The following LAMB3 variants were observed in gnomAD, a reference collection of about 807,000 sequenced individuals.
LAMB3 encodes the protein laminin subunit beta 3.
In LAMB3, 104 loss-of-function variants were observed where a neutral mutation model predicts 140.3. That is an observed-to-expected ratio of 0.74 (90% CI 0.63 to 0.87). The LOEUF (loss-of-function observed/expected upper bound fraction) is 0.87. Ranked by LOEUF, LAMB3 falls within the 40% of genes least tolerant of loss-of-function variation. LAMB3 has a pLI of 0.00. For missense variants in LAMB3, 1,531 were observed against 1,575.2 expected (o/e 0.97, Z 0.47); for synonymous variants, 592 against 602.9 (o/e 0.98, Z 0.26).
At chr1:209,624,994 T>A (rs185934398) in intron 14 of LAMB3, among the ~76,000 whole-genome samples, 25 of 150,392 alleles carry the variant, frequency 1.7e-4, no homozygotes, top group Middle Eastern at 6.9e-3. Flanking sequence ...GGAAGGAAGG[T>A]AGGTTGGTTT....
intron 1 of LAMB3, 52 bp from the exon 2 acceptor site, chr1:209,651,033 A>G (rs2076562271): frequency 8.6e-7 from 1 of 1,169,498 alleles, no homozygotes; most frequent in African/African-American, 1.5e-5. Context: ...CCTAGAGCAC[A>G]CTAGCCCTTT....
rs781471338 is a variant in LAMB3, at chr1:209,623,166, G to A, written c.2372C>T (p.Ser791Phe). ...TPTFNKLCGN[S>F]RQMACTPISC... is the part of the protein sequence containing the mutation. ...TATTGGGGTGCAAGCCATCTGCCTG[G>A]AGTTGCCACAGAGCTGTGGACAGAT... The change falls in exon 17 of 23, where the codon TCC becomes TTC. Residue 791 changes from serine to phenylalanine, a missense_variant. Physicochemically the swap from Ser to Phe is radical, Grantham distance 155. Coordinates refer to ENST00000356082, the MANE Select transcript of LAMB3 (RefSeq NM_000228.3). This position sits in a 1 kb window ranked among gnomAD's most constrained non-coding sequence, Gnocchi z 4.2. 1.9e-6 allele frequency: 3 copies of A among 1,614,176 alleles called. No individual in the cohort carries two copies. The highest frequency in any genetic ancestry group is 2.5e-6 in the Non-Finnish European group (3 of 1,180,040).
chr1:209,636,617 A>G (rs1426924764), intron 5 of LAMB3, among the ~76,000 whole-genome samples: 1 of 151,008 alleles, frequency 6.6e-6, no homozygotes, highest in East Asian at 1.9e-4. Flanking sequence ...AGCACATTTC[A>G]CCCTCCAGGC....
intron 18 of LAMB3, among the ~76,000 whole-genome samples, chr1:209,620,925 C>T (rs563318295): frequency 6.6e-6 from 1 of 152,222 alleles, no homozygotes; most frequent in African/African-American, 2.4e-5. Flanking sequence ...TCAGTGGCTT[C>T]TGCACCAGGA....
intron 18 of LAMB3, among the ~76,000 whole-genome samples, 173 bp downstream of exon 18, chr1:209,622,363 G>T (rs1202431449): frequency 6.6e-6 from 1 of 152,206 alleles, no homozygotes; most frequent in Non-Finnish European, 1.5e-5. Flanking sequence ...GAGTGGGTGG[G>T]GAGGGCAGAC....
At chr1:209,640,502 C>T (rs1449155195) in intron 3 of LAMB3, among the ~76,000 whole-genome samples, 2 of 151,628 alleles carry the variant, frequency 1.3e-5, no homozygotes, top group African/African-American at 4.8e-5. Flanking sequence ...GAGACGAGAT[C>T]GTGCCACTGC....
At chr1:209,617,788 C>G in intron 20 of LAMB3, 119 bp downstream of exon 20, 1 of 1,406,522 alleles carries the variant, frequency 7.1e-7, no homozygotes, top group East Asian at 2.3e-5. Context: ...AAGCTTGTCA[C>G]TCTCCTCTAG....
At chr1:209,651,293 C>A in intron 1 of LAMB3, 2 of 353,972 alleles carry the variant, frequency 5.7e-6, no homozygotes, top group Non-Finnish European at 1.1e-5. Context: ...GTAAGGACAA[C>A]GTGGGGAGCA....
chr1:209,622,721 A>T (rs777463613), intron 17 of LAMB3, 41 bp from the exon 18 acceptor site: 7 of 1,613,318 alleles, frequency 4.3e-6, no homozygotes, highest in Non-Finnish European at 5.9e-6. Context: ...TAAGGCCCCA[A>T]GGGAACCTCT....
At chr1:209,618,844 C>T in intron 18 of LAMB3, 185 bp from the exon 19 acceptor site, 2 of 658,436 alleles carry the variant, frequency 3.0e-6, no homozygotes, top group Non-Finnish European at 5.5e-6. Context: ...TCTGGGAATG[C>T]TGTAGGAGGA....
At position 209,634,462 on chromosome 1, in the gene LAMB3, G is replaced by T. The variant is rs771134182; in HGVS notation, c.549C>A (p.Arg183=). ...CQSLPQRPNA[R]LNGGKVQLNL... is the part of the protein sequence containing the mutation. ...CTCTACCTACCTTCCCCCCATTTAG[G>T]CGTGCATTAGGCCTCTGAGGCAGGG... The change falls in exon 6 of 23, where the codon CGC becomes CGA. Residue 183 remains arginine (R), a synonymous_variant. Transcript: ENST00000356082. 3 of 1,614,024 alleles carry T rather than the reference G, an allele frequency of 1.9e-6. No homozygotes were observed. The highest frequency in any genetic ancestry group is 3.3e-5 in the Admixed American group (2 of 60,014).
chr1:209,615,180 T>C lies in LAMB3; in HGVS notation c.*91A>G. 1 of 1,554,042 alleles carries C rather than the reference T, an allele frequency of 6.4e-7. No homozygotes were observed. Among genetic ancestry groups the C allele is most frequent in the Non-Finnish European group, 8.8e-7 (1 of 1,131,874 alleles). On this transcript the variant is annotated 3_prime_UTR_variant, in exon 23 of 23. Transcript: ENST00000356082. ...CTGTACTTTAGGCTGCATGAAAGTC[T>C]CCTGGAGATGGAAAGCATTCCAACC... is the stretch of plus-strand genomic sequence containing the variant.
In LAMB3 at chr1:209,623,391, GA is replaced by G. The variant is rs1666282288; in HGVS notation, c.2358+113del. On this transcript the variant is annotated intron_variant, in intron 16 of 22. Coordinates refer to ENST00000356082, the MANE Select transcript of LAMB3 (RefSeq NM_000228.3). This position sits in a 1 kb window ranked among gnomAD's most constrained non-coding sequence, Gnocchi z 4.2. ...AGTACAAGGGTCGGGATGGCTGGGG[GA>G]GTGGGGTTCTCACAGGGGCAGATCT... The G allele has an allele frequency of 1.8e-6, 2 of 1,142,220 alleles. No individual in the cohort carries two copies. The highest frequency in any genetic ancestry group is 2.6e-6 in the Non-Finnish European group (2 of 760,988). 70.8% of individuals were successfully genotyped at this position (1,142,220 alleles called of 1,614,324 possible).
At position 209,618,490 on chromosome 1, in the gene LAMB3, C is replaced by G. The variant is rs143164025; in HGVS notation, c.2871G>C (p.Ala957=). 4.3e-6 allele frequency: 7 copies of G among 1,614,204 alleles called. No individual in the cohort carries two copies. The highest frequency in any genetic ancestry group is 5.9e-6 in the Non-Finnish European group (7 of 1,180,044). ...CCTCAGCCTGCAACCGGCGGGCACGCGCAATGTCCTGCTTGGTCTGGGACA... is the reference window on the plus strand; with the variant it reads ...CCTCAGCCTGCAACCGGCGGGCACGGGCAATGTCCTGCTTGGTCTGGGACA... ...LVLSQTKQDI[A]RARRLQAEAE... Residue 957 remains alanine, a synonymous_variant, in exon 19 of 23, where the codon GCG becomes GCC. Coordinates refer to ENST00000356082, the MANE Select transcript of LAMB3 (RefSeq NM_000228.3).
intron 6 of LAMB3, among the ~76,000 whole-genome samples, 200 bp downstream of exon 6, chr1:209,634,247 T>C (rs1017131965): frequency 1.3e-5 from 2 of 152,070 alleles, no homozygotes; most frequent in South Asian, 4.1e-4. Context: ...TGCTGAAATA[T>C]CCTTCCTCAG....
In LAMB3 at chr1:209,628,439, T is replaced by C. The variant is rs1204377560; in HGVS notation, c.1133-249A>G. 2.6e-5 allele frequency among the ~76,000 whole-genome samples: 4 copies of C among 152,260 alleles called. No homozygotes were observed. The East Asian group carries it at 7.7e-4, about 29-fold the overall frequency. ...ATGGCTGTGCGCGGTGGCTCATGCC[T>C]GTAATCCCAGCACTTTGGGAGGCCG... On this transcript the variant is annotated intron_variant, in intron 10 of 22. Transcript: ENST00000356082.
chr1:209,615,363 G>C lies in LAMB3; in HGVS notation c.3427C>G (p.Arg1143Gly). 1 of 1,612,212 alleles carries C rather than the reference G, an allele frequency of 6.2e-7. No homozygotes were observed. The highest frequency in any genetic ancestry group is 8.5e-7 in the Non-Finnish European group (1 of 1,178,864). ...TCCAGTCCTGTCAGGTCCGCTGAGC[G>C]CAGCATGATGGCCTGGCTGCCCCGC... ...LLRGSQAIML[R>G]SADLTGLEKR... Residue 1143 changes from arginine to glycine, a missense_variant, in exon 23 of 23, where the codon CGC becomes GGC. Transcript: ENST00000356082.
rs1553277432 is a variant in LAMB3, at chr1:209,628,020, AAGCCCCCTACTCACGGTGGC to A, written c.1283_1288+14del. 6.3e-7 allele frequency: 1 copy of A among 1,593,142 alleles called. No homozygotes were observed. The highest frequency in any genetic ancestry group is 8.6e-7 in the Non-Finnish European group (1 of 1,169,098). Reference sequence around the variant, plus strand: ...AGCCCACCCCACGTCATGCTGGGCCAAGCCCCCTACTCACGGTGGCAGCCCTGCGGGTTGGCGTAGGTGAG... The same window carrying A: ...AGCCCACCCCACGTCATGCTGGGCCAAGCCCTGCGGGTTGGCGTAGGTGAG... On this transcript the variant is annotated splice_donor_variant and splice_donor_5th_base_variant and coding_sequence_variant and intron_variant, in exon 11 of 23. Transcript: ENST00000356082. LOFTEE classifies it high-confidence loss of function.
At position 209,649,977 on chromosome 1, in the gene LAMB3, G is replaced by A. The variant is rs748289290; in HGVS notation, c.170C>T (p.Thr57Ile). 2.0e-5 allele frequency: 33 copies of A among 1,614,090 alleles called. No individual in the cohort carries two copies. In the Admixed American group the frequency reaches 5.3e-4, roughly 26 times the overall value. ...AGTAGGGCCTACCTCGCCATACTGG[G>A]TGCAGTAGGTCTCAGGCTTGGTCAG... is the stretch of plus-strand genomic sequence containing the variant. The part of the protein sequence containing the change: ...CGLTKPETYC[T>I]QYGEWQMKCC... Residue 57 changes from threonine to isoleucine, a missense_variant, in exon 3 of 23, where the codon ACC becomes ATC. Transcript: ENST00000356082.
Sources: allele counts gnomAD v4.1 joint callset (sites outside exome capture counted in the v4.1 genomes callset), GRCh38; gene constraint gnomAD v4.1.1; non-coding constraint Gnocchi (gnomAD v3.1); transcripts MANE v1.5; gene names NCBI Gene and HGNC (gene_info 2026-07-23, HGNC 2026-07-21).